TLK2: variants seen among roughly 807,000 people sequenced by gnomAD.
The protein encoded by TLK2 is serine/threonine-protein kinase tousled-like 2.
TLK2 carries 6 observed loss-of-function variants against 117.3 expected under a neutral mutation model. That is an observed-to-expected ratio of 0.05 (90% CI 0.03 to 0.10). The LOEUF is 0.10. TLK2 is among the 10% of genes least tolerant of loss of function. The pLI is 1.00. For synonymous variants in TLK2, 257 were observed against 316.7 expected (o/e 0.81, Z 2.00); for missense variants, 299 against 901.2 (o/e 0.33, Z 8.56).
At chr17:62,553,642 G>T in intron 8 of TLK2, 21 bp from the exon 9 acceptor site, 4 of 1,547,380 alleles carry the variant, frequency 2.6e-6, no homozygotes, top group Non-Finnish European at 3.6e-6. Context: ...TCCTAAATTT[G>T]TTTTACCTTT....
At chr17:62,536,041 T>C (rs1598430901) in intron 6 of TLK2, 129 bp from the exon 7 acceptor site, 8 of 1,093,050 alleles carry the variant, frequency 7.3e-6, no homozygotes, top group Non-Finnish European at 7.7e-6. Context: ...TCCATAATTA[T>C]TTTTAGAGAG....
At chr17:62,579,058 G>A (rs1050197339) in intron 14 of TLK2, among the ~76,000 whole-genome samples, 5 of 152,118 alleles carry the variant, frequency 3.3e-5, no homozygotes, top group African/African-American at 1.2e-4. Context: ...ATTGAAACTG[G>A]GAAAAGTAGG....
At chr17:62,592,908 A>T (rs906976286) in intron 16 of TLK2, among the ~76,000 whole-genome samples, 1 of 152,216 alleles carries the variant, frequency 6.6e-6, no homozygotes, top group South Asian at 2.1e-4. Flanking sequence ...TAAGGAGCAC[A>T]CAACCTAGAT....
intron 9 of TLK2, among the ~76,000 whole-genome samples, chr17:62,558,839 GAA>G (rs996225403): frequency 9.9e-5 from 15 of 152,106 alleles, no homozygotes; most frequent in Non-Finnish European, 1.8e-4. Flanking sequence ...TTATACAAAA[GAA>G]AAAATGATAA....
chr17:62,490,553 TC>T (rs1244223880), intron 2 of TLK2, among the ~76,000 whole-genome samples: 1 of 152,186 alleles, frequency 6.6e-6, no homozygotes, highest in Non-Finnish European at 1.5e-5. Flanking sequence ...TTTTTCTTTT[TC>T]TTTTTTGAGA....
At chr17:62,578,676 A>G (rs1262250721) in intron 14 of TLK2, 102 bp downstream of exon 14, 1 of 857,668 alleles carries the variant, frequency 1.2e-6, no homozygotes, top group East Asian at 2.6e-5. Context: ...AGTTACATAA[A>G]TGATTCCATG....
At chr17:62,612,274 G>A in intron 21 of TLK2, 118 bp from the exon 22 acceptor site, 1 of 1,126,558 alleles carries the variant, frequency 8.9e-7, no homozygotes, top group Non-Finnish European at 1.3e-6. Context: ...AAGGCCTTAA[G>A]CCCCTTCTCT....
At chr17:62,560,661 A>ATTTT (rs550051831) in intron 10 of TLK2, among the ~76,000 whole-genome samples, 1 of 140,344 alleles carries the variant, frequency 7.1e-6, no homozygotes, top group Non-Finnish European at 1.6e-5. Flanking sequence ...AACTATTAGA[A>ATTTT]TTTTTTTTTT....
At chr17:62,591,146 G>A (rs977757544) in intron 16 of TLK2, among the ~76,000 whole-genome samples, 3 of 152,130 alleles carry the variant, frequency 2.0e-5, no homozygotes, top group Non-Finnish European at 4.4e-5. Context: ...CTACTTGGGA[G>A]GCTGAGGCAG....
chr17:62,583,237 T>C (rs551634871), intron 15 of TLK2, among the ~76,000 whole-genome samples: 4 of 152,180 alleles, frequency 2.6e-5, no homozygotes, highest in African/African-American at 7.2e-5. Flanking sequence ...GGATTACAGG[T>C]GTGCACCACC....
chr17:62,536,615 T>G (rs2077129784), intron 7 of TLK2, among the ~76,000 whole-genome samples: 1 of 151,896 alleles, frequency 6.6e-6, no homozygotes, highest in Non-Finnish European at 1.5e-5. Flanking sequence ...AATCTTAGAT[T>G]GACAAAGAAG....
intron 7 of TLK2, among the ~76,000 whole-genome samples, chr17:62,546,360 T>TTTTTTTTTTTTTTTTA (rs1555628571): frequency 1.0e-5 from 1 of 98,862 alleles, no homozygotes; most frequent in African/African-American, 3.5e-5. Flanking sequence ...TTTTTTTTTT[T>TTTTTTTTTTTTTTTTA]ACATAATGAA....
At chr17:62,547,662 G>A (rs911243490) in intron 7 of TLK2, among the ~76,000 whole-genome samples, 5 of 152,132 alleles carry the variant, frequency 3.3e-5, no homozygotes, top group African/African-American at 1.2e-4. Context: ...TTTACAGAAA[G>A]CTTTAATTTG....
chr17:62,588,257 G>C (rs1598782841), intron 16 of TLK2, among the ~76,000 whole-genome samples: 1 of 152,100 alleles, frequency 6.6e-6, no homozygotes, highest in Admixed American at 6.5e-5. Flanking sequence ...CTTGCAGAGA[G>C]CTCTAGTGTT....
chr17:62,581,679 G>A (rs2146803762), intron 15 of TLK2, among the ~76,000 whole-genome samples: 1 of 152,004 alleles, frequency 6.6e-6, no homozygotes, highest in African/African-American at 2.4e-5. Context: ...GGGCTCAAGT[G>A]ATCACACCTT....
upstream of TLK2, chr17:62,477,896 CCCT>C (rs1157382162): frequency 6.6e-6 from 1 of 152,138 alleles, no homozygotes; most frequent in African/African-American, 2.4e-5. Context: ...TACCCTCAGA[CCCT>C]CCTAAGTACC....
At chr17:62,483,785 G>A (rs1171138535) in intron 2 of TLK2, among the ~76,000 whole-genome samples, 1 of 152,074 alleles carries the variant, frequency 6.6e-6, no homozygotes. Context: ...TTACAGGCAT[G>A]AGCCACTGCA....
At position 62,501,095 on chromosome 17, in the gene TLK2, G is replaced by C. The variant is rs1461126295; in HGVS notation, c.82-19678G>C. Among the ~76,000 whole-genome samples the C allele has an allele frequency of 9.2e-5, 14 of 152,156 alleles. No individual in the cohort carries two copies. The East Asian group carries it at 2.7e-3, about 30-fold the overall frequency. On this transcript the variant is annotated intron_variant, in intron 2 of 21. Transcript: ENST00000346027. The stretch of plus-strand genomic sequence containing the variant: ...CTGCTAAATACACAAAAAATTAGCC[G>C]GGCGTGGTGGCAGGTGCCTGTAGTC...
intron 19 of TLK2, among the ~76,000 whole-genome samples, chr17:62,604,017 T>C (rs905858817): frequency 7.1e-6 from 1 of 140,476 alleles, no homozygotes; most frequent in Non-Finnish European, 1.6e-5. Context: ...TTTATTTATT[T>C]ATTTGAGACG....
Sources: allele counts gnomAD v4.1 joint callset (sites outside exome capture counted in the v4.1 genomes callset), GRCh38; gene constraint gnomAD v4.1.1; transcripts MANE v1.5; gene names NCBI Gene and HGNC (gene_info 2026-07-23, HGNC 2026-07-21).